The following ELMO1 variants were observed in gnomAD, a reference collection of about 807,000 sequenced individuals.
ELMO1 encodes engulfment and cell motility protein 1.
Under a neutral mutation model 98.9 loss-of-function variants are expected in ELMO1, and 26 were observed. The observed-to-expected ratio is 0.26, with a 90% confidence interval of 0.19 to 0.36. ELMO1 has a LOEUF of 0.36. Among genes scored for constraint, ELMO1 ranks in the 10% least tolerant of loss-of-function variants. ELMO1 has a pLI of 1.00. For missense variants in ELMO1, 627 were observed against 935.2 expected (o/e 0.67, Z 4.30); for synonymous variants, 346 against 346.0 (o/e 1.00, Z 0.00).
intron 13 of ELMO1, among the ~76,000 whole-genome samples, chr7:37,188,495 A>AG (rs1554438141): frequency 1.5e-5 from 1 of 65,592 alleles, no homozygotes; most frequent in Non-Finnish European, 3.5e-5. Flanking sequence ...GGTAAAAAAA[A>AG]AAAAAAAATA....
At chr7:37,094,054 C>G (rs1307127536) in intron 15 of ELMO1, among the ~76,000 whole-genome samples, 1 of 152,194 alleles carries the variant, frequency 6.6e-6, no homozygotes. Context: ...GGACAAGGAC[C>G]ATATCTGGTT....
intron 13 of ELMO1, among the ~76,000 whole-genome samples, chr7:37,146,826 G>C (rs1006732397): frequency 1.3e-5 from 2 of 152,188 alleles, no homozygotes; most frequent in African/African-American, 4.8e-5. Flanking sequence ...CACTGATACT[G>C]ATGGGCTTCA....
At chr7:37,103,874 G>C (rs1430523187) in intron 14 of ELMO1, among the ~76,000 whole-genome samples, 1 of 148,958 alleles carries the variant, frequency 6.7e-6, no homozygotes, top group Non-Finnish European at 1.5e-5. Flanking sequence ...CATGGTGGCG[G>C]GCACCTGTAG....
At chr7:37,132,413 C>T (rs1304454250) in intron 14 of ELMO1, among the ~76,000 whole-genome samples, 1 of 152,210 alleles carries the variant, frequency 6.6e-6, no homozygotes, top group Admixed American at 6.5e-5. Flanking sequence ...TCTACCTCAT[C>T]CTGACTGAAT....
intron 13 of ELMO1, among the ~76,000 whole-genome samples, chr7:37,189,488 C>T (rs1014493164): frequency 6.6e-6 from 1 of 152,126 alleles, no homozygotes; most frequent in Non-Finnish European, 1.5e-5. Context: ...TGAAGAAAGA[C>T]ACAGGGAAGT....
chr7:37,304,787 G>T (rs753225131), intron 4 of ELMO1, among the ~76,000 whole-genome samples: 18 of 152,232 alleles, frequency 1.2e-4, no homozygotes, highest in Middle Eastern at 3.4e-3. Context: ...AAACTAGATG[G>T]CATATTTCAG....
intron 15 of ELMO1, among the ~76,000 whole-genome samples, chr7:37,018,250 C>T (rs535907715): frequency 2.0e-5 from 3 of 152,096 alleles, no homozygotes; most frequent in South Asian, 4.1e-4. Flanking sequence ...CCTCAGCCTC[C>T]CAAGTAGCTG....
chr7:36,989,947 T>C (rs534597744), intron 16 of ELMO1, among the ~76,000 whole-genome samples: 58 of 152,302 alleles, frequency 3.8e-4, no homozygotes, highest in African/African-American at 1.4e-3. Flanking sequence ...GGTAAACAGA[T>C]AATTTTATAT....
At chr7:37,417,931 C>T (rs1221617840) in intron 1 of ELMO1, among the ~76,000 whole-genome samples, 3 of 152,144 alleles carry the variant, frequency 2.0e-5, no homozygotes, top group Admixed American at 6.5e-5. Flanking sequence ...TGATACTGCA[C>T]AAGCCAAGGA....
At chr7:37,302,490 G>T (rs999066075) in intron 4 of ELMO1, among the ~76,000 whole-genome samples, 1 of 152,032 alleles carries the variant, frequency 6.6e-6, no homozygotes, top group Admixed American at 6.6e-5. Flanking sequence ...CATGCTGTGG[G>T]GAAGCCCAAG....
intron 14 of ELMO1, among the ~76,000 whole-genome samples, chr7:37,125,011 A>G (rs568060436): frequency 1.4e-4 from 21 of 152,346 alleles, no homozygotes; most frequent in Non-Finnish European, 2.5e-4. Context: ...TCTTTGACAA[A>G]CCTGACAAAA....
At chr7:37,120,498 G>T (rs1343666960) in intron 14 of ELMO1, among the ~76,000 whole-genome samples, 1 of 152,190 alleles carries the variant, frequency 6.6e-6, no homozygotes, top group African/African-American at 2.4e-5. Flanking sequence ...TGGCTCAGAG[G>T]GTCCCACGCC....
At chr7:36,875,413 C>T (rs1803866888) in intron 19 of ELMO1, among the ~76,000 whole-genome samples, 1 of 152,192 alleles carries the variant, frequency 6.6e-6, no homozygotes, top group African/African-American at 2.4e-5. Context: ...CACTCTCCCA[C>T]AAGGTGTGGA....
At chr7:37,044,252 T>C (rs1242265721) in intron 15 of ELMO1, among the ~76,000 whole-genome samples, 1 of 152,092 alleles carries the variant, frequency 6.6e-6, no homozygotes, top group Non-Finnish European at 1.5e-5. Context: ...TAATGGCCAC[T>C]CCTCTCTTTC....
intron 1 of ELMO1, among the ~76,000 whole-genome samples, chr7:37,444,597 C>G (rs558940220): frequency 1.5e-4 from 23 of 152,218 alleles, no homozygotes; most frequent in Non-Finnish European, 2.6e-4. Context: ...ACTGTAAGCT[C>G]TGCCTCCCGG....
intron 15 of ELMO1, among the ~76,000 whole-genome samples, chr7:37,083,850 G>A (rs1328446018): frequency 6.6e-6 from 1 of 152,194 alleles, no homozygotes; most frequent in Non-Finnish European, 1.5e-5. Context: ...CTGCTGAGGA[G>A]GAGGCATCTT....
rs531206472 is a variant in ELMO1, at chr7:37,331,040, T to C, written c.78+11573A>G. 1.3e-4 allele frequency among the ~76,000 whole-genome samples: 20 copies of C among 151,756 alleles called. No homozygotes were observed. The South Asian group carries it at 4.2e-3, about 32-fold the overall frequency. ...GACAAAGCAGGATAATGCAAGATTT[T>C]ATCACAGTACACTGAACAGTGCACA... is the stretch of plus-strand genomic sequence containing the variant. On this transcript the variant is annotated intron_variant, in intron 2 of 21. Transcript: ENST00000310758.
intron 13 of ELMO1, among the ~76,000 whole-genome samples, chr7:37,187,222 T>C (rs1791263463): frequency 6.6e-6 from 1 of 152,210 alleles, no homozygotes; most frequent in South Asian, 2.1e-4. Flanking sequence ...GACTATGTAT[T>C]GTATGATTTC....
At chr7:36,921,131 G>A (rs562804066) in intron 16 of ELMO1, among the ~76,000 whole-genome samples, 1 of 152,158 alleles carries the variant, frequency 6.6e-6, no homozygotes. Flanking sequence ...ACATTTGCTG[G>A]TGCCTTGATT....
Sources: gnomAD v4.1 joint callset for allele counts (sites outside exome capture counted in the v4.1 genomes callset) on GRCh38, gnomAD v4.1.1 for gene constraint, MANE v1.5 for transcripts, NCBI Gene and HGNC (gene_info 2026-07-23, HGNC 2026-07-21) for gene names.